The following PCDH9 variants were observed in gnomAD, a reference collection of about 807,000 sequenced individuals.
PCDH9 encodes protocadherin 9.
In PCDH9, 24 loss-of-function variants were observed where a neutral mutation model predicts 70.6. That is an observed-to-expected ratio of 0.34 (90% CI 0.25 to 0.48). The LOEUF (loss-of-function observed/expected upper bound fraction) is 0.48, where lower values mean the gene tolerates loss of function less well. Among genes scored for constraint, PCDH9 ranks in the 20% least tolerant of loss-of-function variants. The pLI, the probability that PCDH9 is intolerant of heterozygous loss-of-function variation, is 0.99. For missense variants in PCDH9, 1,281 were observed against 1,503.6 expected (o/e 0.85, Z 2.45); for synonymous variants, 562 against 558.5 (o/e 1.01, Z -0.09).
At chr13:66,541,753 T>C (rs1379182230) in intron 4 of PCDH9, among the ~76,000 whole-genome samples, 2 of 152,182 alleles carry the variant, frequency 1.3e-5, no homozygotes, top group African/African-American at 4.8e-5. Flanking sequence ...ATTCTGAGTT[T>C]CCAAATGGAC....
At chr13:66,498,212 C>T (rs1959148208) in intron 4 of PCDH9, among the ~76,000 whole-genome samples, 1 of 37,848 alleles carries the variant, frequency 2.6e-5, no homozygotes, top group African/African-American at 9.5e-5. Context: ...GGCGCGATCT[C>T]GGCTCACTTG....
At chr13:66,782,876 T>C (rs955238754) in intron 3 of PCDH9, 2 of 152,228 alleles carry the variant, frequency 1.3e-5, no homozygotes, top group Non-Finnish European at 2.9e-5. Flanking sequence ...ATATTATTAA[T>C]GTTTCTAAAT....
rs190566625 is a variant in PCDH9, at chr13:66,370,484, T to A, written c.3341-65456A>T. 3.3e-5 allele frequency among the ~76,000 whole-genome samples: 5 copies of A among 151,934 alleles called. No individual in the cohort carries two copies. The East Asian group carries it at 9.7e-4, about 29-fold the overall frequency. On this transcript the variant is annotated intron_variant, in intron 4 of 4. Transcript: ENST00000377865. ...CGTTTTGTTTCTTTGTTTGTTTTGT[T>A]TTTTCTTTTCTTTTTTATTTATGTA... is the stretch of plus-strand genomic sequence containing the variant.
intron 4 of PCDH9, among the ~76,000 whole-genome samples, chr13:66,387,662 G>C (rs908187426): frequency 4.0e-5 from 6 of 151,878 alleles, no homozygotes; most frequent in African/African-American, 1.5e-4. Context: ...GGCTCTATGA[G>C]GCCCTCACCA....
intron 2 of PCDH9, among the ~76,000 whole-genome samples, chr13:66,951,791 C>G (rs552177216): frequency 5.3e-5 from 8 of 152,148 alleles, no homozygotes; most frequent in Non-Finnish European, 1.0e-4. Context: ...TTACATGTTC[C>G]TTTCTTGATA....
intron 2 of PCDH9, among the ~76,000 whole-genome samples, chr13:66,915,208 A>T (rs1309591635): frequency 7.3e-5 from 11 of 151,694 alleles, no homozygotes; most frequent in Admixed American, 7.2e-4. Context: ...TCAGGAAAAT[A>T]ATTTTGGAAA....
chr13:66,989,132 C>A (rs9540963), intron 2 of PCDH9, among the ~76,000 whole-genome samples: 1 of 152,034 alleles, frequency 6.6e-6, no homozygotes, highest in East Asian at 1.9e-4. Context: ...CCATTCCCAA[C>A]CATGGTGAAT....
intron 2 of PCDH9, among the ~76,000 whole-genome samples, chr13:66,952,664 C>T (rs996565328): frequency 2.6e-5 from 4 of 152,034 alleles, no homozygotes; most frequent in Admixed American, 6.6e-5. Context: ...CTATAATTGC[C>T]TCTAACTCTC....
At chr13:67,022,259 G>A (rs948433583) in intron 2 of PCDH9, among the ~76,000 whole-genome samples, 24 of 150,954 alleles carry the variant, frequency 1.6e-4, no homozygotes, top group African/African-American at 5.8e-4. Flanking sequence ...AGTAGCTGCG[G>A]TTACAGGTAT....
chr13:66,335,400 G>C (rs1956020617), intron 4 of PCDH9, among the ~76,000 whole-genome samples: 1 of 151,978 alleles, frequency 6.6e-6, no homozygotes, highest in South Asian at 2.1e-4. Context: ...AGCTTGTTTA[G>C]ATAATAACAG....
intron 3 of PCDH9, among the ~76,000 whole-genome samples, chr13:66,810,297 C>T (rs1343525300): frequency 6.6e-6 from 1 of 151,804 alleles, no homozygotes; most frequent in Non-Finnish European, 1.5e-5. Context: ...GTGGCTTCTA[C>T]ATGATATTTT....
intron 4 of PCDH9, among the ~76,000 whole-genome samples, chr13:66,308,296 C>T (rs756843459): frequency 6.6e-6 from 1 of 151,968 alleles, no homozygotes; most frequent in East Asian, 1.9e-4. Context: ...CTTTAACTTG[C>T]AAAACATGAG....
chr13:66,480,636 C>T (rs1047899996), intron 4 of PCDH9, among the ~76,000 whole-genome samples: 3 of 152,138 alleles, frequency 2.0e-5, no homozygotes, highest in East Asian at 1.9e-4. Flanking sequence ...GTTAGAATGG[C>T]GATCATTAAA....
chr13:67,008,986 A>G (rs2084404046), intron 2 of PCDH9, among the ~76,000 whole-genome samples: 1 of 152,158 alleles, frequency 6.6e-6, no homozygotes, highest in Non-Finnish European at 1.5e-5. Context: ...AAGATGCACT[A>G]AAATAATTCC....
intron 2 of PCDH9, among the ~76,000 whole-genome samples, chr13:67,041,604 G>A (rs905670111): frequency 6.6e-6 from 1 of 152,074 alleles, no homozygotes; most frequent in African/African-American, 2.4e-5. Context: ...GGCCAAGGGA[G>A]GTGGATCACG....
chr13:66,567,957 C>T (rs1469728270), intron 4 of PCDH9, among the ~76,000 whole-genome samples: 1 of 152,102 alleles, frequency 6.6e-6, no homozygotes. Flanking sequence ...GGTTTGCATC[C>T]TAAGCCTAAA....
At chr13:66,828,049 A>G (rs1189150202) in intron 3 of PCDH9, among the ~76,000 whole-genome samples, 1 of 152,238 alleles carries the variant, frequency 6.6e-6, no homozygotes, top group Non-Finnish European at 1.5e-5. Context: ...TGACAAACAT[A>G]GCCACTGAGA....
intron 4 of PCDH9, among the ~76,000 whole-genome samples, chr13:66,472,549 GAC>G (rs1958641130): frequency 6.6e-6 from 1 of 152,168 alleles, no homozygotes; most frequent in African/African-American, 2.4e-5. Context: ...AAGCCTGGGT[GAC>G]AGAGTGGGAC....
intron 2 of PCDH9, among the ~76,000 whole-genome samples, chr13:66,951,398 T>C (rs1337337069): frequency 3.9e-5 from 6 of 152,136 alleles, no homozygotes; most frequent in Non-Finnish European, 5.9e-5. Context: ...TTTTGTTTGT[T>C]TGTTTGCTTG....
Sources: gnomAD v4.1 joint callset for allele counts (sites outside exome capture counted in the v4.1 genomes callset) on GRCh38, gnomAD v4.1.1 for gene constraint, MANE v1.5 for transcripts, NCBI Gene and HGNC (gene_info 2026-07-23, HGNC 2026-07-21) for gene names.